Variants in NEK6 observed in about 807,000 individuals in gnomAD.
The protein encoded by NEK6 is serine/threonine-protein kinase Nek6.
Under a neutral mutation model 43.5 loss-of-function variants are expected in NEK6, and 27 were observed. That is an observed-to-expected ratio of 0.62 (90% CI 0.46 to 0.86). The LOEUF (loss-of-function observed/expected upper bound fraction) is 0.86, where lower values mean the gene tolerates loss of function less well. Among genes scored for constraint, NEK6 ranks in the 40% least tolerant of loss-of-function variants. The pLI, the probability that NEK6 is intolerant of heterozygous loss-of-function variation, is 0.00. For missense variants in NEK6, 318 were observed against 414.4 expected (o/e 0.77, Z 2.02); for synonymous variants, 167 against 164.1 (o/e 1.02, Z -0.14).
chr9:124,309,524 C>A (rs959018204), intron 2 of NEK6, among the ~76,000 whole-genome samples: 1 of 152,152 alleles, frequency 6.6e-6, no homozygotes. Flanking sequence ...GGGAGGGAGC[C>A]CACCCCCATC....
intron 1 of NEK6, among the ~76,000 whole-genome samples, chr9:124,293,240 CT>C (rs1832515202): frequency 6.6e-6 from 1 of 152,242 alleles, no homozygotes; most frequent in African/African-American, 2.4e-5. Context: ...AGTCATTTAA[CT>C]TCTCTGCACC....
At chr9:124,338,834 T>C (rs1032539382) in intron 7 of NEK6, among the ~76,000 whole-genome samples, 1 of 152,148 alleles carries the variant, frequency 6.6e-6, no homozygotes, top group Admixed American at 6.6e-5. Flanking sequence ...ACATGGAAGA[T>C]CTTGGTCAGC....
chr9:124,344,933 C>T (rs564645136), intron 8 of NEK6, among the ~76,000 whole-genome samples: 15 of 152,346 alleles, frequency 9.8e-5, no homozygotes, highest in East Asian at 9.7e-4. Flanking sequence ...ACCTCCTGGC[C>T]TCCAGTCACC....
At chr9:124,336,883 C>T (rs1165687952) in intron 7 of NEK6, among the ~76,000 whole-genome samples, 6 of 152,062 alleles carry the variant, frequency 3.9e-5, no homozygotes, top group Admixed American at 3.9e-4. Context: ...ATGGCACGTG[C>T]CTGTAATCCC....
At chr9:124,282,900 C>G (rs1057360178) in intron 1 of NEK6, among the ~76,000 whole-genome samples, 2 of 152,144 alleles carry the variant, frequency 1.3e-5, no homozygotes, top group Admixed American at 1.3e-4. Context: ...AGAGAGCGGC[C>G]CCTCCCAGTA....
chr9:124,315,890 ACCTCAGTTT>A (rs1324117137), intron 4 of NEK6, among the ~76,000 whole-genome samples: 1 of 152,210 alleles, frequency 6.6e-6, no homozygotes, highest in Non-Finnish European at 1.5e-5. Context: ...GCCTCTCAGG[ACCTCAGTTT>A]CCTCATCTGT....
At chr9:124,274,100 T>C (rs1831560192) in intron 1 of NEK6, among the ~76,000 whole-genome samples, 1 of 152,152 alleles carries the variant, frequency 6.6e-6, no homozygotes, top group African/African-American at 2.4e-5. Context: ...CCAGGCAGTT[T>C]TGCTTAGAGG....
chr9:124,346,062 C>G (rs913399854), intron 8 of NEK6, among the ~76,000 whole-genome samples: 3 of 152,282 alleles, frequency 2.0e-5, no homozygotes, highest in African/African-American at 4.8e-5. Context: ...CAGCCCTTCT[C>G]TGAGGGGCCC....
In NEK6 at chr9:124,301,921, T is replaced by A. The variant is rs762422265; in HGVS notation, c.-29-15T>A. On this transcript the variant is annotated splice_polypyrimidine_tract_variant and intron_variant, in intron 1 of 9. Transcript: ENST00000320246. ...CTCAAAGAGAAAGTGAACAGGCCGC[T>A]GTTTTCTGTTGCAGTTCGTGCCCTC... is the stretch of plus-strand genomic sequence containing the variant. 6.4e-7 allele frequency: 1 copy of A among 1,554,684 alleles called. No homozygotes were observed.
At chr9:124,257,607 C>T, upstream of NEK6, 1 of 1,421,144 alleles carries the variant, frequency 7.0e-7, no homozygotes, top group South Asian at 1.3e-5. Context: ...GTGGTAGGAG[C>T]AATGCTAGGC....
intron 1 of NEK6, among the ~76,000 whole-genome samples, chr9:124,260,775 A>G (rs1019402306): frequency 5.3e-5 from 8 of 152,198 alleles, no homozygotes; most frequent in African/African-American, 1.9e-4. Flanking sequence ...CACCAACACT[A>G]AGATGGAAGC....
At chr9:124,309,722 T>G (rs1244619364) in intron 2 of NEK6, among the ~76,000 whole-genome samples, 1 of 152,220 alleles carries the variant, frequency 6.6e-6, no homozygotes, top group Non-Finnish European at 1.5e-5. Flanking sequence ...TTTTTATGAG[T>G]ACGTGCGATT....
At chr9:124,266,205 G>A (rs1332535501) in intron 1 of NEK6, among the ~76,000 whole-genome samples, 1 of 152,154 alleles carries the variant, frequency 6.6e-6, no homozygotes, top group Non-Finnish European at 1.5e-5. Flanking sequence ...CTTTGCTCCT[G>A]TCGGTAGATG....
chr9:124,290,526 C>T (rs539948053), intron 1 of NEK6, among the ~76,000 whole-genome samples: 11 of 152,366 alleles, frequency 7.2e-5, no homozygotes, highest in African/African-American at 2.6e-4. Context: ...TGTGTCAGTC[C>T]CAGTGGCGAT....
Position 124,312,418 on chromosome 9 carries a change from G to T in NEK6, c.91-91G>T, listed in dbSNP as rs1833579872. The T allele has an allele frequency of 3.6e-6, 5 of 1,391,774 alleles. No individual in the cohort carries two copies. The African/African-American group carries it at 4.3e-5, about 12-fold the overall frequency. 86.2% of individuals were successfully genotyped at this position (1,391,774 alleles called of 1,614,324 possible). ...GCAGAGTCCCTCCTTCACCTTAGAG[G>T]GTGCTGTTGGGGTGCTGGGCCTCTA... On this transcript the variant is annotated intron_variant, in intron 2 of 9. Transcript: ENST00000320246.
rs745752570 is a variant in NEK6, at chr9:124,326,443, G to A, written c.514+5G>A. On this transcript the variant is annotated splice_donor_5th_base_variant and intron_variant, in intron 6 of 9. Transcript: ENST00000320246. This position sits in a 1 kb window ranked among gnomAD's most constrained non-coding sequence, Gnocchi z 4.5. ...CACGCCGGGTGATGCACCGAGGTAC[G>A]TGCCACCCGCCAGGAGCCGCCCGGA... 1.3e-5 allele frequency: 21 copies of A among 1,602,898 alleles called. No individual in the cohort carries two copies. Among genetic ancestry groups the A allele is most frequent in the Admixed American group, 3.4e-5 (2 of 59,638 alleles).
chr9:124,257,718 C>G, upstream of NEK6: 3 of 1,533,540 alleles, frequency 2.0e-6, no homozygotes, highest in Non-Finnish European at 2.6e-6. Context: ...CCGGCCTGCG[C>G]CCTGTGAGTC....
rs1829192364 is a variant in NEK6 at position 124,334,546 on chromosome 9, C to T, written c.623-5025C>T. Among the ~76,000 whole-genome samples the T allele has an allele frequency of 2.0e-5, 3 of 152,272 alleles. No homozygotes were observed. In the South Asian group the frequency reaches 6.2e-4, roughly 32 times the overall value. On this transcript the variant is annotated intron_variant, in intron 7 of 9. Transcript: ENST00000320246. ...CGTGCCCAGGCTTTCAATATAAAGC[C>T]AGGCTGAGACAGGGATCTGTCGGCC...
At chr9:124,347,439 C>T (rs574516495) in intron 8 of NEK6, among the ~76,000 whole-genome samples, 45 of 152,368 alleles carry the variant, frequency 3.0e-4, no homozygotes, top group Admixed American at 2.3e-3. Flanking sequence ...TAGCTTGCAG[C>T]GTCCAGCTGC....
Sources: allele counts gnomAD v4.1 joint callset (sites outside exome capture counted in the v4.1 genomes callset), GRCh38; gene constraint gnomAD v4.1.1; non-coding constraint Gnocchi (gnomAD v3.1); transcripts MANE v1.5; gene names NCBI Gene and HGNC (gene_info 2026-07-23, HGNC 2026-07-21).